HECW2: variants seen among roughly 807,000 people sequenced by gnomAD.
HECW2 encodes the protein E3 ubiquitin-protein ligase HECW2.
In HECW2, 61 loss-of-function variants were observed where a neutral mutation model predicts 175.2. The ratio of observed to expected loss-of-function variants is 0.35; its 90% CI spans 0.28 to 0.43. HECW2 has a LOEUF of 0.43. HECW2 is among the 20% of genes least tolerant of loss of function. The pLI is 1.00. For synonymous variants in HECW2, 671 were observed against 731.0 expected (o/e 0.92, Z 1.32); for missense variants, 1,524 against 2,000.5 (o/e 0.76, Z 4.54).
intron 1 of HECW2, among the ~76,000 whole-genome samples, chr2:196,522,931 T>C (rs980554747): frequency 6.6e-6 from 1 of 152,226 alleles, no homozygotes; most frequent in Non-Finnish European, 1.5e-5. Context: ...AGCTTTGTTC[T>C]TTTGACTTAG....
At chr2:196,294,337 G>A (rs879788096) in intron 13 of HECW2, among the ~76,000 whole-genome samples, 2 of 152,184 alleles carry the variant, frequency 1.3e-5, no homozygotes, top group Non-Finnish European at 2.9e-5. Flanking sequence ...TGACCAGGCC[G>A]TGAATGATCA....
At chr2:196,449,832 T>C (rs1034437567) in intron 1 of HECW2, among the ~76,000 whole-genome samples, 46 of 117,408 alleles carry the variant, frequency 3.9e-4, no homozygotes, top group Admixed American at 1.9e-3. Context: ...CATTAATCCA[T>C]TTTTTTTTAA....
At chr2:196,459,301 T>C in intron 1 of HECW2, among the ~76,000 whole-genome samples, 1 of 152,080 alleles carries the variant, frequency 6.6e-6, no homozygotes, top group East Asian at 1.9e-4. Context: ...AATACAGAAG[T>C]GGGCTTAGAA....
chr2:196,269,622 T>C (rs1024690133), intron 17 of HECW2: 1 of 151,804 alleles, frequency 6.6e-6, no homozygotes, highest in South Asian at 2.1e-4. Context: ...CAAAATGCTA[T>C]TCTAGATATT....
At chr2:196,419,138 G>C (rs1411722074) in intron 2 of HECW2, among the ~76,000 whole-genome samples, 1 of 152,192 alleles carries the variant, frequency 6.6e-6, no homozygotes, top group Non-Finnish European at 1.5e-5. Flanking sequence ...ATGGAAGGAA[G>C]AAGCATGGAG....
At chr2:196,389,385 G>A (rs1694441728) in intron 2 of HECW2, among the ~76,000 whole-genome samples, 1 of 152,126 alleles carries the variant, frequency 6.6e-6, no homozygotes, top group Admixed American at 6.6e-5. Flanking sequence ...TAGGAAAAAT[G>A]GGCTCCTGGT....
At chr2:196,425,929 C>T (rs748055563) in intron 2 of HECW2, among the ~76,000 whole-genome samples, 1 of 152,050 alleles carries the variant, frequency 6.6e-6, no homozygotes, top group African/African-American at 2.4e-5. Context: ...AGAAATCTTT[C>T]GTGAAAGGAA....
chr2:196,246,387 A>G (rs1481369886), intron 19 of HECW2, among the ~76,000 whole-genome samples: 1 of 152,124 alleles, frequency 6.6e-6, no homozygotes, highest in Admixed American at 6.5e-5. Flanking sequence ...ACACAAAAGA[A>G]ACTTTTTTTT....
chr2:196,459,693 G>C (rs368580434), intron 1 of HECW2, among the ~76,000 whole-genome samples: 5 of 152,110 alleles, frequency 3.3e-5, no homozygotes, highest in Admixed American at 6.6e-5. Context: ...CCTCCTTTTT[G>C]TGGTTTTCAA....
At chr2:196,505,136 A>G (rs2125407655) in intron 1 of HECW2, among the ~76,000 whole-genome samples, 1 of 152,334 alleles carries the variant, frequency 6.6e-6, no homozygotes, top group South Asian at 2.1e-4. Flanking sequence ...TCACAATAGT[A>G]ATGATAAAAT....
chr2:196,436,637 A>G (rs1695884105), intron 1 of HECW2, among the ~76,000 whole-genome samples: 1 of 152,186 alleles, frequency 6.6e-6, no homozygotes, highest in African/African-American at 2.4e-5. Flanking sequence ...AAAAAGAGCT[A>G]GAAATGTGTG....
chr2:196,316,274 A>G (rs1691690324), intron 10 of HECW2: 1 of 152,244 alleles, frequency 6.6e-6, no homozygotes, highest in Non-Finnish European at 1.5e-5. Flanking sequence ...ATATTTTGAT[A>G]AACTCTTCAT....
Position 196,491,489 on chromosome 2 carries a change from CATAT to C in HECW2, c.-35-58035_-35-58032del, listed in dbSNP as rs201385726. On this transcript the variant is annotated intron_variant, in intron 1 of 28. Transcript: ENST00000644978. ...AGGTGTGTGTATATATATATATACA[CATAT>C]ATATATATACACACACACACACACA... is the stretch of plus-strand genomic sequence containing the variant. Among the ~76,000 whole-genome samples the C allele has an allele frequency of 2.1e-4, 24 of 116,140 alleles. 1 individual carries two copies. The highest frequency in any genetic ancestry group is 1.5e-3 in the Admixed American group (19 of 12,710). The allele number at this position is 116,140 out of a possible 152,430, so 76.2% of individuals were successfully genotyped here.
At chr2:196,584,160 G>A (rs1038829010) in intron 1 of HECW2, among the ~76,000 whole-genome samples, 3 of 152,308 alleles carry the variant, frequency 2.0e-5, no homozygotes, top group African/African-American at 2.4e-5. Flanking sequence ...GCATACAGAA[G>A]GGCAATGGAG....
chr2:196,424,459 T>C (rs959312146), intron 2 of HECW2, among the ~76,000 whole-genome samples: 3 of 152,130 alleles, frequency 2.0e-5, no homozygotes, highest in African/African-American at 7.2e-5. Context: ...GGCCAAAAGC[T>C]AGGCCTCTTG....
chr2:196,404,609 C>T lies in HECW2; in HGVS notation c.292+28523G>A, dbSNP rs571801814. Among the ~76,000 whole-genome samples, 10 of 152,200 alleles carry T rather than the reference C, an allele frequency of 6.6e-5. No individual in the cohort carries two copies. The South Asian group carries it at 2.1e-3, about 32-fold the overall frequency. On this transcript the variant is annotated intron_variant, in intron 2 of 28. Coordinates refer to ENST00000644978, the MANE Select transcript of HECW2 (RefSeq NM_001348768.2). The stretch of plus-strand genomic sequence containing the variant: ...TTGGAAAATGTTTCCTGTCTTTTGG[C>T]ACATTTCTGCATTCAAACATTTCCT...
Position 196,242,199 on chromosome 2 carries a change from G to A in HECW2, c.3535C>T (p.Gln1179Ter). 1 of 1,614,136 alleles carries A rather than the reference G, an allele frequency of 6.2e-7. No homozygotes were observed. Among genetic ancestry groups the A allele is most frequent in the South Asian group, 1.1e-5 (1 of 91,078 alleles). The change falls in exon 20 of 29, where the codon CAG (glutamine) becomes TAG (stop). Residue 1179 changes from glutamine (Q) to a stop codon, truncating the protein, a stop_gained. Coordinates refer to ENST00000644978, the MANE Select transcript of HECW2 (RefSeq NM_001348768.2). LOFTEE classifies it high-confidence loss of function. ...VSSPQNSPGT[Q>*]RANARAPAPY... ...GCTGGAGCCCGGGCATTGGCACGCT[G>A]GGTACCTGCAGCAAACCACAAAGAG...
chr2:196,457,011 G>A (rs1696538023), intron 1 of HECW2, among the ~76,000 whole-genome samples: 1 of 152,122 alleles, frequency 6.6e-6, no homozygotes, highest in Non-Finnish European at 1.5e-5. Flanking sequence ...TCATATTCCT[G>A]TACCAAGCTT....
intron 19 of HECW2, 28 bp from the exon 20 acceptor site, chr2:196,242,232 T>A (rs1475728704): frequency 1.2e-6 from 2 of 1,613,634 alleles, no homozygotes; most frequent in Admixed American, 1.7e-5. Flanking sequence ...GAGAGGACAA[T>A]CTGGATTTGT....
Sources: gnomAD v4.1 joint callset for allele counts (sites outside exome capture counted in the v4.1 genomes callset) on GRCh38, gnomAD v4.1.1 for gene constraint, MANE v1.5 for transcripts, NCBI Gene and HGNC (gene_info 2026-07-23, HGNC 2026-07-21) for gene names.